WDFY2: variants seen among roughly 807,000 people sequenced by gnomAD.
WDFY2 encodes WD repeat and FYVE domain containing 2.
A neutral mutation model predicts 56.4 loss-of-function variants in WDFY2; 36 were observed. The observed-to-expected ratio is 0.64, with a 90% CI of 0.49 to 0.84. WDFY2 has a LOEUF of 0.84. WDFY2 is among the 40% of genes least tolerant of loss of function. The pLI is 0.00. For missense variants in WDFY2, 444 were observed against 512.2 expected, an observed-to-expected ratio of 0.87 and a Z score of 1.29; for synonymous variants, 176 against 183.7, an observed-to-expected ratio of 0.96 and a Z score of 0.34.
intron 3 of WDFY2, among the ~76,000 whole-genome samples, chr13:51,688,038 A>G (rs1170112355): frequency 2.0e-5 from 3 of 152,180 alleles, no homozygotes; most frequent in Non-Finnish European, 4.4e-5. Flanking sequence ...TTCAAGAAGG[A>G]TGTAAGGATC....
intron 6 of WDFY2, among the ~76,000 whole-genome samples, chr13:51,731,677 C>T (rs955053237): frequency 2.6e-5 from 4 of 152,164 alleles, no homozygotes; most frequent in South Asian, 2.1e-4. Context: ...GTAGTAGGCT[C>T]GTTCTGGGCC....
chr13:51,647,820 A>G (rs540239820), intron 1 of WDFY2, among the ~76,000 whole-genome samples: 5 of 152,138 alleles, frequency 3.3e-5, no homozygotes, highest in South Asian at 2.1e-4. Context: ...ATGTGGTCCA[A>G]TGTTGACTGA....
At chr13:51,758,117 C>A in intron 10 of WDFY2, 75 bp from the exon 11 acceptor site, 1 of 1,227,436 alleles carries the variant, frequency 8.1e-7, no homozygotes, top group Non-Finnish European at 1.1e-6. Flanking sequence ...AATTTAGAGC[C>A]TAATGTCATC....
At position 51,719,261 on chromosome 13, in the gene WDFY2, G is replaced by A. The variant is rs767139376; in HGVS notation, c.398G>A (p.Gly133Glu). Residue 133 changes from glycine to glutamate, a missense_variant, in exon 5 of 12, where the codon GGA becomes GAA. Transcript: ENST00000298125. ...GAGCTGGAGTGGGTGCTGAGCACAG[G>A]ACAGGACAAGCAATTTGCCTGGCAC... ...VLELEWVLSTGQDKQFAWHCS... is the reference protein window; with the variant it reads ...VLELEWVLSTEQDKQFAWHCS... 2 of 1,614,102 alleles carry A rather than the reference G, an allele frequency of 1.2e-6. No homozygotes were observed. Among genetic ancestry groups the A allele is most frequent in the Non-Finnish European group, 1.7e-6 (2 of 1,180,052 alleles).
At chr13:51,629,656 A>G (rs1566324818) in intron 1 of WDFY2, among the ~76,000 whole-genome samples, 1 of 152,172 alleles carries the variant, frequency 6.6e-6, no homozygotes, top group Admixed American at 6.5e-5. Flanking sequence ...TGTGTGTGTC[A>G]TGGAGAATTT....
intron 1 of WDFY2, chr13:51,592,167 A>C (rs574593343): frequency 5.3e-5 from 8 of 152,306 alleles, no homozygotes; most frequent in African/African-American, 1.9e-4. Context: ...AAAGAAAAAA[A>C]TTAGGAATGT....
At chr13:51,756,184 A>T (rs564902085) in intron 9 of WDFY2, 148 bp from the exon 10 acceptor site, 1 of 1,191,160 alleles carries the variant, frequency 8.4e-7, no homozygotes, top group East Asian at 2.4e-5. Flanking sequence ...AACACATCCA[A>T]TGTGTTCCCT....
At chr13:51,690,803 G>A (rs543291861) in intron 3 of WDFY2, among the ~76,000 whole-genome samples, 1 of 152,270 alleles carries the variant, frequency 6.6e-6, no homozygotes, top group Admixed American at 6.5e-5. Flanking sequence ...CTAGTTTACA[G>A]TCCCACCAAC....
Position 51,584,841 on chromosome 13 carries a change from T to G in WDFY2, c.137+17T>G. On this transcript the variant is annotated intron_variant, in intron 1 of 11. Transcript: ENST00000298125. ...CGAGGACAGGTATGGACTACTGCCA[T>G]TCGGCCGCGAGGAGGGGCGGGACGG... 1 of 1,612,588 alleles carries G rather than the reference T, an allele frequency of 6.2e-7. No homozygotes were observed. Among genetic ancestry groups the G allele is most frequent in the South Asian group, 1.1e-5 (1 of 90,950 alleles).
At chr13:51,619,202 C>CA in intron 1 of WDFY2, among the ~76,000 whole-genome samples, 1 of 152,248 alleles carries the variant, frequency 6.6e-6, no homozygotes, top group South Asian at 2.1e-4. Flanking sequence ...CCTGTAATCC[C>CA]AATACTTTGG....
intron 1 of WDFY2, among the ~76,000 whole-genome samples, chr13:51,657,647 C>A (rs1349572030): frequency 6.6e-6 from 1 of 152,066 alleles, no homozygotes; most frequent in Non-Finnish European, 1.5e-5. Context: ...ATTCTTTATT[C>A]TTTTTTCTTT....
chr13:51,656,761 C>G lies in WDFY2; in HGVS notation c.138-3835C>G, dbSNP rs144971368. On this transcript the variant is annotated intron_variant, in intron 1 of 11. Transcript: ENST00000298125. ...CCTTGTCTCTTGTAATAAGTTTTGA[C>G]TCAAAACCTATTTTTTCTGTTATCA... Among the ~76,000 whole-genome samples the G allele has an allele frequency of 2.4e-3, 362 of 152,012 alleles. 1 individual carries two copies. Among genetic ancestry groups the G allele is most frequent in the African/African-American group, 8.1e-3 (337 of 41,526 alleles).
intron 4 of WDFY2, among the ~76,000 whole-genome samples, chr13:51,712,363 A>C (rs1293093040): frequency 2.0e-5 from 3 of 152,204 alleles, no homozygotes; most frequent in Non-Finnish European, 4.4e-5. Flanking sequence ...TAATGGGTGC[A>C]GCACACCAAC....
intron 2 of WDFY2, among the ~76,000 whole-genome samples, chr13:51,663,295 T>C (rs1955646103): frequency 6.6e-6 from 1 of 152,220 alleles, no homozygotes; most frequent in Non-Finnish European, 1.5e-5. Context: ...TATATAGTGT[T>C]GATTGGTAAA....
At chr13:51,718,523 TA>T (rs1404952535) in intron 4 of WDFY2, among the ~76,000 whole-genome samples, 2 of 150,616 alleles carry the variant, frequency 1.3e-5, no homozygotes, top group Non-Finnish European at 2.9e-5. Context: ...TCTTGTTTAT[TA>T]ACAACTCTAG....
In WDFY2 at chr13:51,755,360, C is replaced by T. The variant is rs951386673; in HGVS notation, c.834C>T (p.Thr278=). 2.0e-5 allele frequency: 32 copies of T among 1,614,000 alleles called. No homozygotes were observed. The highest frequency in any genetic ancestry group is 2.6e-5 in the Non-Finnish European group (31 of 1,180,028). The change falls in exon 9 of 12, where the codon ACC becomes ACT. Residue 278 remains threonine, a splice_region_variant and synonymous_variant. Coordinates refer to ENST00000298125, the MANE Select transcript of WDFY2 (RefSeq NM_052950.4). ...VWNMDVERQE[T]PEWLDSDSCQ... Reference sequence around the variant, plus strand: ...TGTTCTGTGCTTTATTTGACAAGACCCCTGAATGGTTGGACAGTGATTCCT... The same window carrying T: ...TGTTCTGTGCTTTATTTGACAAGACTCCTGAATGGTTGGACAGTGATTCCT...
intron 3 of WDFY2, among the ~76,000 whole-genome samples, chr13:51,686,658 A>G (rs947883896): frequency 6.6e-6 from 1 of 152,148 alleles, no homozygotes; most frequent in Non-Finnish European, 1.5e-5. Context: ...ATGAATTTAA[A>G]TATAGAAAAA....
At chr13:51,718,000 T>C (rs1204082284) in intron 4 of WDFY2, among the ~76,000 whole-genome samples, 1 of 152,214 alleles carries the variant, frequency 6.6e-6, no homozygotes, top group Non-Finnish European at 1.5e-5. Context: ...TGCAGGGTCA[T>C]TACAATGATT....
chr13:51,679,969 C>T (rs977649344), intron 3 of WDFY2, among the ~76,000 whole-genome samples: 14 of 152,236 alleles, frequency 9.2e-5, no homozygotes, highest in South Asian at 2.1e-4. Flanking sequence ...CTGTTGCCCA[C>T]GCCAAAGAGC....
Sources: allele counts gnomAD v4.1 joint callset (sites outside exome capture counted in the v4.1 genomes callset), GRCh38; gene constraint gnomAD v4.1.1; transcripts MANE v1.5; gene names NCBI Gene and HGNC (gene_info 2026-07-23, HGNC 2026-07-21).